Variants in ADGRV1 observed in about 807,000 individuals in gnomAD.
ADGRV1 encodes the protein adhesion G protein-coupled receptor V1.
A neutral mutation model predicts 596.2 loss-of-function variants in ADGRV1; 359 were observed. The observed-to-expected ratio is 0.60, with a 90% CI of 0.55 to 0.66. The LOEUF is 0.66. Ranked by LOEUF, ADGRV1 falls within the 30% of genes least tolerant of loss-of-function variation. The pLI is 0.00. For synonymous variants in ADGRV1, 2,681 were observed against 2,679.2 expected (o/e 1.00, Z -0.02); for missense variants, 7,274 against 7,575.6 (o/e 0.96, Z 1.48).
intron 29 of ADGRV1, 54 bp from the exon 30 acceptor site, chr5:90,689,807 G>A (rs1243160371): frequency 1.6e-6 from 2 of 1,253,542 alleles, no homozygotes; most frequent in East Asian, 4.8e-5. Context: ...CTAGTATATG[G>A]AATGTTTTGA....
In ADGRV1 at chr5:91,164,143, A is replaced by T; in HGVS notation, c.*243A>T. 2 of 564,632 alleles carry T rather than the reference A, an allele frequency of 3.5e-6. No individual in the cohort carries two copies. 35.0% of individuals were successfully genotyped at this position (564,632 alleles called of 1,614,324 possible). A position where few individuals can be genotyped will look rare whatever the true frequency, so the allele number is the denominator to read the frequency against. On this transcript the variant is annotated 3_prime_UTR_variant, in exon 90 of 90. Transcript: ENST00000405460. Reference sequence around the variant, plus strand: ...AGGATGTTCATATTCCAAGGATATTAGTTGTTTTTTTAATCATCCTATATG... The same window carrying T: ...AGGATGTTCATATTCCAAGGATATTTGTTGTTTTTTTAATCATCCTATATG...
At position 90,716,496 on chromosome 5, in the gene ADGRV1, G is replaced by A. The variant is rs757560169; in HGVS notation, c.9214G>A (p.Gly3072Ser). 5.0e-6 allele frequency: 8 copies of A among 1,592,054 alleles called. No homozygotes were observed. The African/African-American group carries it at 6.7e-5, about 13-fold the overall frequency. The change falls in exon 43 of 90, where the codon GGC (glycine) becomes AGC (serine). Residue 3072 changes from glycine (G) to serine (S), a missense_variant. This residue lies in a region of ADGRV1 where 3,643 missense variants were observed against 3,809.2 expected (regional missense o/e 0.96). Coordinates refer to ENST00000405460, the MANE Select transcript of ADGRV1 (RefSeq NM_032119.4). ...AATTATTGTCCTTGCTAATGATGAC[G>A]GCCCTGGAGTTCTATCATTTAACAA... ...ALIIVLANDD[G>S]PGVLSFNNSE...
chr5:90,965,892 C>T (rs1445951746), intron 84 of ADGRV1, among the ~76,000 whole-genome samples: 1 of 152,106 alleles, frequency 6.6e-6, no homozygotes, highest in Non-Finnish European at 1.5e-5. Context: ...AGAAAGATCT[C>T]CCTGTTTGTA....
At chr5:90,994,779 T>C (rs1781276059) in intron 85 of ADGRV1, among the ~76,000 whole-genome samples, 1 of 152,214 alleles carries the variant, frequency 6.6e-6, no homozygotes, top group Non-Finnish European at 1.5e-5. Context: ...CTATATTCTT[T>C]GTCACACGTG....
chr5:91,135,994 C>G (rs77491495), intron 87 of ADGRV1, among the ~76,000 whole-genome samples: 1,570 of 152,128 alleles, frequency 0.01, 25 homozygotes, highest in African/African-American at 0.036. Context: ...ACGGGGCAAA[C>G]CTGAGGAGAA....
chr5:90,652,001 A>G (rs1173171968), intron 18 of ADGRV1, among the ~76,000 whole-genome samples: 2 of 151,570 alleles, frequency 1.3e-5, no homozygotes, highest in Non-Finnish European at 1.5e-5. Flanking sequence ...TGAATTATTC[A>G]AGATCTTCAG....
chr5:90,942,610 G>A (rs1581587258), intron 83 of ADGRV1, among the ~76,000 whole-genome samples: 2 of 152,236 alleles, frequency 1.3e-5, no homozygotes, highest in Middle Eastern at 3.4e-3. Context: ...CTACTTCAGC[G>A]AGGCTCTAGG....
Position 90,745,208 on chromosome 5 carries a change from C to T in ADGRV1, c.10712C>T (p.Ala3571Val). The change falls in exon 51 of 90, where the codon GCT becomes GTT. Residue 3571 changes from alanine to valine, a missense_variant. This residue lies in a region of ADGRV1 where 3,643 missense variants were observed against 3,809.2 expected (regional missense o/e 0.96). Transcript: ENST00000405460. ...SSKNLIALVGAHSHIYELAYI... is the reference protein window; with the variant it reads ...SSKNLIALVGVHSHIYELAYI... ...AAGAATTTAATAGCTCTAGTGGGAG[C>T]TCATTCACATATATATGAGCTAGCC... 1 of 1,611,862 alleles carries T rather than the reference C, an allele frequency of 6.2e-7. No homozygotes were observed.
intron 85 of ADGRV1, among the ~76,000 whole-genome samples, chr5:90,992,406 G>C (rs1032310555): frequency 1.3e-5 from 2 of 152,096 alleles, no homozygotes; most frequent in African/African-American, 4.8e-5. Context: ...TTGTCTCTCT[G>C]AGAAAAATCC....
At chr5:91,071,863 G>A (rs1788419671) in intron 85 of ADGRV1, among the ~76,000 whole-genome samples, 1 of 151,904 alleles carries the variant, frequency 6.6e-6, no homozygotes, top group South Asian at 2.1e-4. Flanking sequence ...TTTTAGTAGA[G>A]ACGGGGCTTC....
intron 48 of ADGRV1, among the ~76,000 whole-genome samples, chr5:90,725,958 A>G (rs1751720190): frequency 6.6e-6 from 1 of 152,230 alleles, no homozygotes; most frequent in Non-Finnish European, 1.5e-5. Context: ...GAGTATCACT[A>G]AAAATTCATG....
rs556954012 is a variant in ADGRV1 at position 91,145,656 on chromosome 5, A to C, written c.18433-4374A>C. ...ATATTATTATTGTTTCCAAAAAAAA[A>C]AACAACTCTAATTCAAGGGGAAATA... is the stretch of plus-strand genomic sequence containing the variant. On this transcript the variant is annotated intron_variant, in intron 87 of 89. Coordinates refer to ENST00000405460, the MANE Select transcript of ADGRV1 (RefSeq NM_032119.4). 2.6e-5 allele frequency among the ~76,000 whole-genome samples: 4 copies of C among 152,326 alleles called. No homozygotes were observed. The East Asian group carries it at 7.7e-4, about 29-fold the overall frequency.
intron 34 of ADGRV1, among the ~76,000 whole-genome samples, chr5:90,697,792 G>A (rs184374193): frequency 5.3e-5 from 8 of 151,930 alleles, no homozygotes; most frequent in South Asian, 4.1e-4. Flanking sequence ...TTGTCTTCGA[G>A]TAAGCCTGTT....
At chr5:90,705,364 C>T in intron 36 of ADGRV1, 36 bp from the exon 37 acceptor site, 1 of 1,584,182 alleles carries the variant, frequency 6.3e-7, no homozygotes. Flanking sequence ...AAAGCTAATG[C>T]CAAATCACTG....
At chr5:91,089,080 C>CTTATGCATTAGTTCACTCCCTTA (rs1790157452) in intron 86 of ADGRV1, among the ~76,000 whole-genome samples, 2 of 152,024 alleles carry the variant, frequency 1.3e-5, no homozygotes, top group Admixed American at 1.3e-4. Context: ...ATTAAAATCC[C>CTTATGCATTAGTTCACTCCCTTA]TGCCACACCT....
chr5:90,812,162 G>A (rs374311540), intron 74 of ADGRV1, among the ~76,000 whole-genome samples: 29 of 151,986 alleles, frequency 1.9e-4, no homozygotes, highest in African/African-American at 5.1e-4. Flanking sequence ...TCCTGACCTC[G>A]TGATCCACCT....
At chr5:90,756,011 T>C (rs1755796679) in intron 55 of ADGRV1, among the ~76,000 whole-genome samples, 1 of 151,566 alleles carries the variant, frequency 6.6e-6, no homozygotes, top group South Asian at 2.1e-4. Context: ...TCTGGAAATT[T>C]TTCATTATGC....
At chr5:91,006,224 T>C (rs73187124) in intron 85 of ADGRV1, among the ~76,000 whole-genome samples, 20,993 of 152,104 alleles carry the variant, frequency 0.14, 1,939 homozygotes, top group African/African-American at 0.24. Flanking sequence ...CTGTGACGTC[T>C]GAAGGGGAAT....
chr5:91,062,343 C>T (rs564969391), intron 85 of ADGRV1, among the ~76,000 whole-genome samples: 1 of 152,306 alleles, frequency 6.6e-6, no homozygotes, highest in African/African-American at 2.4e-5. Flanking sequence ...AGAGCAGAGT[C>T]ACCAAATTAT....
Sources: allele counts gnomAD v4.1 joint callset (sites outside exome capture counted in the v4.1 genomes callset), GRCh38; gene constraint gnomAD v4.1.1; regional missense constraint gnomAD v4.1.1; transcripts MANE v1.5; gene names NCBI Gene and HGNC (gene_info 2026-07-23, HGNC 2026-07-21).